USP25: variants seen among roughly 807,000 people sequenced by gnomAD.
USP25 encodes the protein ubiquitin carboxyl-terminal hydrolase 25.
In USP25, 85 loss-of-function variants were observed where a neutral mutation model predicts 158.5. The observed-to-expected ratio is 0.54, with a 90% confidence interval of 0.45 to 0.64. USP25 has a LOEUF of 0.64. Among genes scored for constraint, USP25 ranks in the 30% least tolerant of loss-of-function variants. The pLI is 0.00. For synonymous variants in USP25, 464 were observed against 460.4 expected (o/e 1.01, Z -0.10); for missense variants, 1,242 against 1,327.3 (o/e 0.94, Z 1.00).
chr21:15,856,774 A>G (rs1009883014), intron 20 of USP25, among the ~76,000 whole-genome samples: 4 of 145,918 alleles, frequency 2.7e-5, no homozygotes, highest in Middle Eastern at 3.2e-3. Context: ...CCCGGCCAGA[A>G]GTATACTCTA....
intron 20 of USP25, among the ~76,000 whole-genome samples, chr21:15,855,903 G>T (rs184066957): frequency 1.2e-3 from 186 of 152,246 alleles, no homozygotes; most frequent in Admixed American, 2.6e-3. Flanking sequence ...TATACACTTG[G>T]CATCTTTTAC....
chr21:15,841,188 G>A (rs531452394), intron 17 of USP25, among the ~76,000 whole-genome samples: 2 of 152,050 alleles, frequency 1.3e-5, no homozygotes, highest in African/African-American at 2.4e-5. Flanking sequence ...TCAAAAACTT[G>A]GTGTGTTCAT....
At chr21:15,876,246 C>G (rs1423864764) in intron 24 of USP25, 1 of 152,098 alleles carries the variant, frequency 6.6e-6, no homozygotes, top group Non-Finnish European at 1.5e-5. Flanking sequence ...ATGCATACTT[C>G]CAAAAATTGT....
intron 19 of USP25, among the ~76,000 whole-genome samples, chr21:15,848,724 A>G (rs1267569600): frequency 6.6e-6 from 1 of 152,134 alleles, no homozygotes; most frequent in African/African-American, 2.4e-5. Flanking sequence ...ATATCACTGT[A>G]CCAGTGTAAG....
intron 1 of USP25, among the ~76,000 whole-genome samples, chr21:15,732,864 C>G (rs889536671): frequency 6.6e-6 from 1 of 151,968 alleles, no homozygotes; most frequent in South Asian, 2.1e-4. Flanking sequence ...GCTGCCTTTC[C>G]CTTTTGATGT....
intron 14 of USP25, among the ~76,000 whole-genome samples, chr21:15,828,987 AG>A (rs1010590854): frequency 1.2e-4 from 19 of 152,252 alleles, no homozygotes; most frequent in African/African-American, 4.1e-4. Flanking sequence ...GGTTTTCCTC[AG>A]GATATTTTTT....
intron 20 of USP25, among the ~76,000 whole-genome samples, chr21:15,857,043 C>T (rs1009376395): frequency 7.2e-5 from 11 of 152,216 alleles, no homozygotes; most frequent in Non-Finnish European, 1.2e-4. Context: ...CTGTCTCCTA[C>T]TAGCTGTTAC....
intron 17 of USP25, among the ~76,000 whole-genome samples, chr21:15,841,880 T>A (rs1444869211): frequency 6.6e-6 from 1 of 152,122 alleles, no homozygotes; most frequent in Non-Finnish European, 1.5e-5. Context: ...ATAGGAGATA[T>A]CGTGAATTTT....
chr21:15,735,982 A>ATGTGTG (rs901227357), intron 1 of USP25, among the ~76,000 whole-genome samples: 4 of 119,758 alleles, frequency 3.3e-5, no homozygotes, highest in Non-Finnish European at 3.7e-5. Context: ...GTGTGTGTGT[A>ATGTGTG]TGTGTGTGTG....
At chr21:15,787,112 A>C (rs1282316090) in intron 4 of USP25, among the ~76,000 whole-genome samples, 2 of 152,142 alleles carry the variant, frequency 1.3e-5, no homozygotes, top group Non-Finnish European at 1.5e-5. Flanking sequence ...AATATAAGAC[A>C]CAAACAAATG....
chr21:15,824,910 T>C, intron 11 of USP25, 56 bp from the exon 12 acceptor site: 7 of 1,411,910 alleles, frequency 5.0e-6, no homozygotes, highest in Non-Finnish European at 7.0e-6. Context: ...CATCTGGCCA[T>C]ATTGCATCTA....
intron 3 of USP25, among the ~76,000 whole-genome samples, chr21:15,769,039 AT>A (rs55788731): frequency 5.4e-5 from 8 of 149,424 alleles, no homozygotes; most frequent in Non-Finnish European, 8.9e-5. Context: ...GAAGGAATAA[AT>A]TTTTTTTTTG....
intron 16 of USP25, among the ~76,000 whole-genome samples, chr21:15,832,967 G>A (rs1169001752): frequency 1.3e-5 from 2 of 152,020 alleles, no homozygotes; most frequent in Admixed American, 6.6e-5. Flanking sequence ...GCAGTGAGCC[G>A]AGATTGTGTC....
intron 1 of USP25, among the ~76,000 whole-genome samples, chr21:15,732,844 G>A (rs760518743): frequency 1.3e-5 from 2 of 152,084 alleles, no homozygotes; most frequent in Non-Finnish European, 2.9e-5. Context: ...GTAGTATGAT[G>A]AGGCAAGAGG....
At chr21:15,767,371 T>C (rs867379898) in intron 3 of USP25, among the ~76,000 whole-genome samples, 3 of 152,196 alleles carry the variant, frequency 2.0e-5, no homozygotes, top group South Asian at 2.1e-4. Flanking sequence ...CTGGAGAATG[T>C]TTTTCCTGGC....
At position 15,826,201 on chromosome 21, in the gene USP25, CA is replaced by C. The variant is rs748534029; in HGVS notation, c.1305-2del. 1 of 1,613,248 alleles carries C rather than the reference CA, an allele frequency of 6.2e-7. No individual in the cohort carries two copies. Among genetic ancestry groups the C allele is most frequent in the Admixed American group, 1.7e-5 (1 of 59,952 alleles). On this transcript the variant is annotated splice_acceptor_variant, in intron 12 of 25. Transcript: ENST00000400183. LOFTEE classifies it high-confidence loss of function. This position sits in a 1 kb window ranked among gnomAD's most constrained non-coding sequence, Gnocchi z 4.8. The stretch of plus-strand genomic sequence containing the variant: ...AAGCATTTGTACATTTTATGATTAA[CA>C]GATATTTAAGCTATGGTTCCGGTCC...
At chr21:15,755,019 G>T (rs2033283162) in intron 1 of USP25, among the ~76,000 whole-genome samples, 1 of 152,176 alleles carries the variant, frequency 6.6e-6, no homozygotes, top group South Asian at 2.1e-4. Context: ...TCAGGTGTGT[G>T]TGTGATTACT....
Position 15,875,575 on chromosome 21 carries a change from C to T in USP25, c.3009+1049C>T, listed in dbSNP as rs182329725. Among the ~76,000 whole-genome samples, 2 of 152,278 alleles carry T rather than the reference C, an allele frequency of 1.3e-5. No individual in the cohort carries two copies. Among genetic ancestry groups the T allele is most frequent in the African/African-American group, 2.4e-5 (1 of 41,558 alleles). On this transcript the variant is annotated intron_variant, in intron 24 of 25. Coordinates refer to ENST00000400183, the MANE Select transcript of USP25 (RefSeq NM_001283041.3). This position sits in a 1 kb window ranked among gnomAD's most constrained non-coding sequence, Gnocchi z 4.7. ...AATAAGTGCCATTATGAGAAATATG[C>T]ACAATGATATGCCTGAAATATTTGG...
chr21:15,857,721 A>G (rs960283024), intron 20 of USP25, among the ~76,000 whole-genome samples: 2 of 152,046 alleles, frequency 1.3e-5, no homozygotes, highest in Non-Finnish European at 2.9e-5. Flanking sequence ...ATAATTTTTT[A>G]GATCTTATAA....
Sources: gnomAD v4.1 joint callset for allele counts (sites outside exome capture counted in the v4.1 genomes callset) on GRCh38, gnomAD v4.1.1 for gene constraint, Gnocchi (gnomAD v3.1) non-coding constraint, MANE v1.5 for transcripts, NCBI Gene and HGNC (gene_info 2026-07-23, HGNC 2026-07-21) for gene names.